LIN52: variants seen among roughly 807,000 people sequenced by gnomAD.
LIN52 encodes the protein protein lin-52 homolog.
A neutral mutation model predicts 18.5 loss-of-function variants in LIN52; 4 were observed. The ratio of observed to expected loss-of-function variants is 0.22; its 90% CI spans 0.11 to 0.49. The LOEUF is 0.49. Among genes scored for constraint, LIN52 ranks in the 20% least tolerant of loss-of-function variants. LIN52 has a pLI of 0.97. For synonymous variants in LIN52, 34 were observed against 45.5 expected (o/e 0.75, Z 1.02); for missense variants, 102 against 139.5 (o/e 0.73, Z 1.35).
intron 5 of LIN52, among the ~76,000 whole-genome samples, chr14:74,174,999 A>G (rs554249906): frequency 7.1e-6 from 1 of 140,958 alleles, no homozygotes; most frequent in East Asian, 2.1e-4. Flanking sequence ...TGGGTGACAG[A>G]GTGAAACCTT....
intron 5 of LIN52, among the ~76,000 whole-genome samples, chr14:74,122,112 G>T (rs1280385097): frequency 6.6e-6 from 1 of 152,150 alleles, no homozygotes; most frequent in Non-Finnish European, 1.5e-5. Context: ...CAAATTAAAA[G>T]AACAGGAGTG....
intron 5 of LIN52, among the ~76,000 whole-genome samples, chr14:74,187,880 TCCCCACTTAACAGAGGAAGGAA>T (rs1437384092): frequency 1.3e-5 from 2 of 152,128 alleles, no homozygotes; most frequent in South Asian, 4.1e-4. Context: ...TAGATACCAA[TCCCCACTTAACAGAGGAAGGAA>T]CTGAGGCATG....
chr14:74,187,136 A>G (rs921830076), intron 5 of LIN52, among the ~76,000 whole-genome samples: 1 of 152,212 alleles, frequency 6.6e-6, no homozygotes, highest in African/African-American at 2.4e-5. Context: ...ATTTAATCTC[A>G]TAAGAGTCTG....
At chr14:74,190,389 CTT>C (rs68037994) in intron 5 of LIN52, among the ~76,000 whole-genome samples, 41 of 106,296 alleles carry the variant, frequency 3.9e-4, no homozygotes, top group Middle Eastern at 6.8e-3. Context: ...GCCTAAATAA[CTT>C]TTTTTTTTTT....
At chr14:74,095,152 T>G (rs1035379579) in intron 2 of LIN52, among the ~76,000 whole-genome samples, 1 of 146,822 alleles carries the variant, frequency 6.8e-6, no homozygotes, top group South Asian at 2.3e-4. Flanking sequence ...ACTAACTGTT[T>G]TTTTTTTTTT....
At chr14:74,165,690 A>G (rs1237689560) in intron 5 of LIN52, among the ~76,000 whole-genome samples, 1 of 150,258 alleles carries the variant, frequency 6.7e-6, no homozygotes, top group Non-Finnish European at 1.5e-5. Flanking sequence ...TGTATTTTTG[A>G]TAGAGATGGG....
intron 5 of LIN52, among the ~76,000 whole-genome samples, chr14:74,175,711 TACACACACAC>T (rs35602442): frequency 0.032 from 2,747 of 86,376 alleles, 36 homozygotes; most frequent in Non-Finnish European, 0.052. Context: ...CACAGACACA[TACACACACAC>T]ACACACACAC....
At chr14:74,086,388 C>G (rs2060731780) in intron 1 of LIN52, among the ~76,000 whole-genome samples, 1 of 152,066 alleles carries the variant, frequency 6.6e-6, no homozygotes, top group Non-Finnish European at 1.5e-5. Context: ...CGTGGTGGTT[C>G]ACACTTCTAA....
At chr14:74,148,558 A>G (rs139280577) in intron 5 of LIN52, among the ~76,000 whole-genome samples, 1,669 of 152,340 alleles carry the variant, frequency 0.011, 11 homozygotes, top group Middle Eastern at 0.017. Context: ...AGTGGGATAT[A>G]AACGAACAAC....
At chr14:74,085,908 A>G (rs989143839) in intron 1 of LIN52, among the ~76,000 whole-genome samples, 2 of 152,224 alleles carry the variant, frequency 1.3e-5, no homozygotes, top group Admixed American at 1.3e-4. Context: ...CATTGCAGGA[A>G]TGAAGAAATT....
intron 5 of LIN52, among the ~76,000 whole-genome samples, chr14:74,104,374 T>C (rs1249442690): frequency 6.6e-6 from 1 of 152,176 alleles, no homozygotes; most frequent in Non-Finnish European, 1.5e-5. Flanking sequence ...GTTCATATAC[T>C]GTATTTGATA....
At chr14:74,193,321 G>A (rs2078891475) in intron 5 of LIN52, among the ~76,000 whole-genome samples, 1 of 151,902 alleles carries the variant, frequency 6.6e-6, no homozygotes, top group African/African-American at 2.4e-5. Flanking sequence ...GGCTGAGGCA[G>A]GAGGATCACT....
chr14:74,085,850 C>T (rs2060725950), intron 1 of LIN52, among the ~76,000 whole-genome samples: 2 of 152,086 alleles, frequency 1.3e-5, no homozygotes, highest in Non-Finnish European at 2.9e-5. Context: ...TATAGGTTTC[C>T]TTCCCTTAGA....
Position 74,199,896 on chromosome 14 carries a change from T to G in LIN52, c.*919T>G, listed in dbSNP as rs1019964612. ...GGATTGTCCCCTCTGACAGCACATA[T>G]GAAATAGTTCATCTATATAATAGAA... On this transcript the variant is annotated 3_prime_UTR_variant, in exon 6 of 6. Coordinates refer to ENST00000555028, the MANE Select transcript of LIN52 (RefSeq NM_001024674.3). 2.6e-5 allele frequency: 4 copies of G among 152,204 alleles called. No individual in the cohort carries two copies. Among genetic ancestry groups the G allele is most frequent in the East Asian group, 1.9e-4 (1 of 5,192 alleles). 9.4% of individuals were successfully genotyped at this position (152,204 alleles called of 1,614,324 possible).
chr14:74,182,982 A>T (rs2061324805), intron 5 of LIN52, among the ~76,000 whole-genome samples: 1 of 152,160 alleles, frequency 6.6e-6, no homozygotes, highest in Non-Finnish European at 1.5e-5. Context: ...GGTAGATTTT[A>T]AAAAATATGT....
At chr14:74,195,768 G>C (rs756462064) in intron 5 of LIN52, among the ~76,000 whole-genome samples, 2 of 152,182 alleles carry the variant, frequency 1.3e-5, no homozygotes, top group African/African-American at 4.8e-5. Context: ...ACTAGGTTTG[G>C]GGGGGTTCGG....
chr14:74,159,666 G>A (rs1256774856), intron 5 of LIN52, among the ~76,000 whole-genome samples: 1 of 151,728 alleles, frequency 6.6e-6, no homozygotes, highest in African/African-American at 2.4e-5. Flanking sequence ...CCACCTCCTG[G>A]GTTCAAGTAA....
At chr14:74,187,951 A>G (rs2061347849) in intron 5 of LIN52, among the ~76,000 whole-genome samples, 1 of 152,240 alleles carries the variant, frequency 6.6e-6, no homozygotes, top group Non-Finnish European at 1.5e-5. Flanking sequence ...CTAATACGTG[A>G]TGGATTTACA....
chr14:74,194,849 A>G (rs2078899943), intron 5 of LIN52, among the ~76,000 whole-genome samples: 1 of 152,198 alleles, frequency 6.6e-6, no homozygotes, highest in Non-Finnish European at 1.5e-5. Context: ...CCAGAATCAA[A>G]AAAATAGTTG....
Sources: allele counts gnomAD v4.1 joint callset (sites outside exome capture counted in the v4.1 genomes callset), GRCh38; gene constraint gnomAD v4.1.1; transcripts MANE v1.5; gene names NCBI Gene and HGNC (gene_info 2026-07-23, HGNC 2026-07-21).